The following GLCCI1 variants were observed in gnomAD, a reference collection of about 807,000 sequenced individuals.
GLCCI1 encodes glucocorticoid induced 1, also known as glucocorticoid-induced transcript 1 protein.
Under a neutral mutation model 52.2 loss-of-function variants are expected in GLCCI1, and 24 were observed. That is an observed-to-expected ratio of 0.46 (90% CI 0.33 to 0.65). The LOEUF (loss-of-function observed/expected upper bound fraction) is 0.65, where lower values mean the gene tolerates loss of function less well. Among genes scored for constraint, GLCCI1 ranks in the 30% least tolerant of loss-of-function variants. GLCCI1 has a pLI of 0.02. For missense variants in GLCCI1, 704 were observed against 701.5 expected (o/e 1.00, Z -0.04); for synonymous variants, 310 against 276.5 (o/e 1.12, Z -1.20).
At chr7:7,990,271 TGAG>T (rs759784272) in intron 1 of GLCCI1, among the ~76,000 whole-genome samples, 1 of 152,048 alleles carries the variant, frequency 6.6e-6, no homozygotes, top group East Asian at 1.9e-4. Context: ...CTTTGTTTGT[TGAG>T]GAGAAAAAAA....
At position 7,999,578 on chromosome 7, in the gene GLCCI1, G is replaced by A. The variant is rs1583959351; in HGVS notation, c.458-4330G>A. Among the ~76,000 whole-genome samples, 3 of 151,828 alleles carry A rather than the reference G, an allele frequency of 2.0e-5. No homozygotes were observed. In the South Asian group the frequency reaches 6.2e-4, roughly 32 times the overall value. The stretch of plus-strand genomic sequence containing the variant: ...GCTACGATCACGCCGGTACACTCCA[G>A]CCTGGGCAGGTGACAGAGCAATACC... On this transcript the variant is annotated intron_variant, in intron 1 of 7. Coordinates refer to ENST00000223145, the MANE Select transcript of GLCCI1 (RefSeq NM_138426.4).
intron 3 of GLCCI1, among the ~76,000 whole-genome samples, chr7:8,054,524 C>G (rs1305202029): frequency 2.6e-5 from 4 of 152,062 alleles, no homozygotes; most frequent in African/African-American, 9.7e-5. Context: ...TCTCAGCGAC[C>G]TATATACTTT....
In GLCCI1 at chr7:8,085,017, C is replaced by A; in HGVS notation, c.1298C>A (p.Ala433Glu). The change falls in exon 7 of 8, where the codon GCG (alanine) becomes GAG (glutamate). Residue 433 changes from alanine (A) to glutamate (E), a missense_variant and splice_region_variant. Physicochemically the swap from Ala to Glu is moderately radical, Grantham distance 107. This residue lies in a region of GLCCI1 where 149 missense variants were observed against 152.9 expected (regional missense o/e 0.97). Transcript: ENST00000223145. Reference sequence around the variant, plus strand: ...CGAGTGAAGGTCTTTGAGGAAATGGCGTAAGTAATGTCTTTTTTGTCAGCT... The same window carrying A: ...CGAGTGAAGGTCTTTGAGGAAATGGAGTAAGTAATGTCTTTTTTGTCAGCT... ...CERVKVFEEM[A>E]SRQPISAPLF... The A allele has an allele frequency of 6.2e-7, 1 of 1,613,588 alleles. No homozygotes were observed. The highest frequency in any genetic ancestry group is 8.5e-7 in the Non-Finnish European group (1 of 1,179,824).
chr7:8,061,414 G>C (rs762956004), intron 5 of GLCCI1, among the ~76,000 whole-genome samples: 2 of 151,480 alleles, frequency 1.3e-5, no homozygotes, highest in African/African-American at 2.4e-5. Context: ...GTGGTCATTT[G>C]TATATCCTCA....
chr7:8,051,360 A>T (rs915548717), intron 3 of GLCCI1, among the ~76,000 whole-genome samples: 6 of 152,242 alleles, frequency 3.9e-5, no homozygotes, highest in African/African-American at 1.4e-4. Flanking sequence ...AATAATCAGC[A>T]TGATTTCCTC....
At position 8,014,091 on chromosome 7, in the gene GLCCI1, G is replaced by A. The variant is rs532260976; in HGVS notation, c.610-8392G>A. On this transcript the variant is annotated intron_variant, in intron 2 of 7. Transcript: ENST00000223145. Reference sequence around the variant, plus strand: ...TGCAGCCTCCACCTTCTAGGTTCAAGTGATTCTCCTGCCTTAGCCTCCCGA... The same window carrying A: ...TGCAGCCTCCACCTTCTAGGTTCAAATGATTCTCCTGCCTTAGCCTCCCGA... 1.3e-5 allele frequency among the ~76,000 whole-genome samples: 2 copies of A among 151,350 alleles called. 1 individual carries two copies. Among genetic ancestry groups the A allele is most frequent in the African/African-American group, 4.9e-5 (2 of 41,164 alleles).
chr7:8,066,589 T>A (rs761973308), intron 5 of GLCCI1, among the ~76,000 whole-genome samples: 2 of 151,308 alleles, frequency 1.3e-5, no homozygotes, highest in Non-Finnish European at 2.9e-5. Context: ...GTATCTTTAG[T>A]CCCATAGTTT....
At position 8,071,834 on chromosome 7, in the gene GLCCI1, T is replaced by A. The variant is rs577241830; in HGVS notation, c.1177+703T>A. ...TACTTACAAAGAAACACTGAACTTA[T>A]GTTTATAACAAATTTACTGCTTGTC... On this transcript the variant is annotated intron_variant, in intron 6 of 7. Coordinates refer to ENST00000223145, the MANE Select transcript of GLCCI1 (RefSeq NM_138426.4). Among the ~76,000 whole-genome samples the A allele has an allele frequency of 8.5e-5, 13 of 152,342 alleles. No homozygotes were observed. The South Asian group carries it at 2.7e-3, about 32-fold the overall frequency.
intron 4 of GLCCI1, among the ~76,000 whole-genome samples, chr7:8,059,895 G>T (rs931676549): frequency 2.0e-5 from 3 of 152,106 alleles, no homozygotes; most frequent in Admixed American, 6.5e-5. Flanking sequence ...GATTTGAAAG[G>T]ATTATTTTGA....
intron 2 of GLCCI1, among the ~76,000 whole-genome samples, chr7:8,010,820 T>C (rs1781248718): frequency 6.6e-6 from 1 of 152,222 alleles, no homozygotes; most frequent in East Asian, 1.9e-4. Context: ...TTTAGACATA[T>C]ACACACAGAG....
intron 1 of GLCCI1, among the ~76,000 whole-genome samples, chr7:7,994,629 C>T (rs1780904208): frequency 6.6e-6 from 1 of 152,178 alleles, no homozygotes; most frequent in Admixed American, 6.5e-5. Context: ...TTATTGGTCC[C>T]AACTCTTAAT....
intron 3 of GLCCI1, among the ~76,000 whole-genome samples, chr7:8,031,834 G>A (rs1284568320): frequency 6.6e-6 from 1 of 151,930 alleles, no homozygotes; most frequent in African/African-American, 2.4e-5. Flanking sequence ...ATACAATAAA[G>A]ATAACTGAAG....
In GLCCI1 at chr7:8,077,333, G is replaced by A. The variant is rs117569640; in HGVS notation, c.1177+6202G>A. Among the ~76,000 whole-genome samples the A allele has an allele frequency of 2.4e-3, 359 of 152,334 alleles. 1 individual carries two copies. Among genetic ancestry groups the A allele is most frequent in the Non-Finnish European group, 3.6e-3 (243 of 68,022 alleles). The stretch of plus-strand genomic sequence containing the variant: ...GACACTGACAGAAGGCAGACCCAGT[G>A]AAGCTCTTGCCTGAGCCATAAGCCT... On this transcript the variant is annotated intron_variant, in intron 6 of 7. Transcript: ENST00000223145.
intron 1 of GLCCI1, among the ~76,000 whole-genome samples, chr7:8,000,048 G>C (rs1781021492): frequency 6.6e-6 from 1 of 152,180 alleles, no homozygotes; most frequent in African/African-American, 2.4e-5. Flanking sequence ...TTAAGTAGAG[G>C]CTCAAGTTAT....
intron 3 of GLCCI1, among the ~76,000 whole-genome samples, chr7:8,044,018 C>T (rs571723715): frequency 6.6e-6 from 1 of 151,364 alleles, no homozygotes; most frequent in Admixed American, 6.6e-5. Flanking sequence ...GATCTCCGCT[C>T]ACTGCAAGCT....
chr7:8,004,027 T>C lies in GLCCI1; in HGVS notation c.577T>C (p.Tyr193His), dbSNP rs151167298. 2.4e-5 allele frequency: 39 copies of C among 1,613,494 alleles called. No individual in the cohort carries two copies. In the East Asian group the frequency reaches 7.1e-4, roughly 30 times the overall value. ...GQWPRDPHVH[Y>H]PSCMKDKATQ... ...GTGGCCACGGGATCCTCATGTTCAC[T>C]ACCCTTCATGCATGAAAGACAAAGC... The change falls in exon 2 of 8, where the codon TAC becomes CAC. Residue 193 changes from tyrosine to histidine, a missense_variant. By Grantham distance (83) the Tyr-to-His change is moderately conservative. This residue lies in a region of GLCCI1 where 547 missense variants were observed against 524.8 expected (regional missense o/e 1.04). Transcript: ENST00000223145.
intron 1 of GLCCI1, among the ~76,000 whole-genome samples, chr7:7,989,172 A>G (rs1382139586): frequency 6.6e-6 from 1 of 152,204 alleles, no homozygotes; most frequent in Non-Finnish European, 1.5e-5. Flanking sequence ...AAATAAAGCT[A>G]TAATTTTAAA....
chr7:8,022,554 T>C lies in GLCCI1; in HGVS notation c.681T>C (p.Ala227=), dbSNP rs1781517847. The C allele has an allele frequency of 3.2e-6, 5 of 1,570,598 alleles. No homozygotes were observed. Among genetic ancestry groups the C allele is most frequent in the African/African-American group, 2.7e-5 (2 of 72,942 alleles). ...SHQRSASWGS[A]DQLKEQIAKL... is the part of the protein sequence containing the mutation. Reference sequence around the variant, plus strand: ...AGCGTTCTGCGTCATGGGGGAGTGCTGATCAACTAAAAGAGGTAAGTTATT... The same window carrying C: ...AGCGTTCTGCGTCATGGGGGAGTGCCGATCAACTAAAAGAGGTAAGTTATT... The change falls in exon 3 of 8, where the codon GCT becomes GCC. Residue 227 remains alanine (A), a synonymous_variant. Transcript: ENST00000223145.
At chr7:8,015,881 T>G (rs1781367117) in intron 2 of GLCCI1, among the ~76,000 whole-genome samples, 1 of 152,244 alleles carries the variant, frequency 6.6e-6, no homozygotes, top group Non-Finnish European at 1.5e-5. Flanking sequence ...ATACTCAGTT[T>G]TCTTCCCTTT....
Sources: allele counts gnomAD v4.1 joint callset (sites outside exome capture counted in the v4.1 genomes callset), GRCh38; gene constraint gnomAD v4.1.1; regional missense constraint gnomAD v4.1.1; transcripts MANE v1.5; gene names NCBI Gene and HGNC (gene_info 2026-07-23, HGNC 2026-07-21).